DOK6: variants seen among roughly 807,000 people sequenced by gnomAD.
DOK6 encodes docking protein 6.
A neutral mutation model predicts 44.0 loss-of-function variants in DOK6; 22 were observed. That is an observed-to-expected ratio of 0.50 (90% CI 0.36 to 0.71). The LOEUF (loss-of-function observed/expected upper bound fraction) is 0.71, where lower values mean the gene tolerates loss of function less well. Ranked by LOEUF, DOK6 falls within the 30% of genes least tolerant of loss-of-function variation. DOK6 has a pLI of 0.00. For synonymous variants in DOK6, 166 were observed against 145.5 expected (o/e 1.14, Z -1.01); for missense variants, 340 against 416.4 (o/e 0.82, Z 1.60).
chr18:69,587,308 G>A (rs986462665), intron 2 of DOK6, among the ~76,000 whole-genome samples: 5 of 152,124 alleles, frequency 3.3e-5, no homozygotes, highest in Admixed American at 6.5e-5. Flanking sequence ...AGCATCCAGT[G>A]GTTCCAGGTC....
chr18:69,720,629 TTTATC>T (rs1986985794), intron 5 of DOK6, among the ~76,000 whole-genome samples: 1 of 152,158 alleles, frequency 6.6e-6, no homozygotes, highest in African/African-American at 2.4e-5. Flanking sequence ...ACTCAATCCT[TTTATC>T]TAATCAAATA....
chr18:69,645,457 T>C (rs1329118477), intron 3 of DOK6, among the ~76,000 whole-genome samples: 1 of 152,204 alleles, frequency 6.6e-6, no homozygotes, highest in East Asian at 1.9e-4. Context: ...ATAAATAAGA[T>C]GACAAAGTTG....
intron 5 of DOK6, among the ~76,000 whole-genome samples, chr18:69,734,602 T>C (rs1978540271): frequency 6.6e-6 from 1 of 152,104 alleles, no homozygotes; most frequent in Admixed American, 6.5e-5. Flanking sequence ...GCTCCTACTC[T>C]ACCCCATTAC....
chr18:69,527,203 T>C (rs913615628), intron 1 of DOK6, among the ~76,000 whole-genome samples: 4 of 152,302 alleles, frequency 2.6e-5, no homozygotes, highest in African/African-American at 9.6e-5. Context: ...CACCCAACCC[T>C]CCACCCACTT....
chr18:69,818,481 G>A (rs532944223), intron 7 of DOK6, among the ~76,000 whole-genome samples: 3 of 152,268 alleles, frequency 2.0e-5, no homozygotes, highest in Admixed American at 1.3e-4. Flanking sequence ...GCAGGTGTAA[G>A]CTGGATATGG....
chr18:69,669,379 T>A (rs1273850702), intron 3 of DOK6, among the ~76,000 whole-genome samples: 1 of 152,186 alleles, frequency 6.6e-6, no homozygotes, highest in East Asian at 1.9e-4. Flanking sequence ...CTGCATTAAT[T>A]CTAGTAGGAT....
intron 2 of DOK6, among the ~76,000 whole-genome samples, chr18:69,582,506 A>C (rs565497975): frequency 1.1e-4 from 17 of 152,264 alleles, no homozygotes; most frequent in African/African-American, 3.4e-4. Flanking sequence ...ATGACTGTAC[A>C]AATACTCTTT....
intron 1 of DOK6, among the ~76,000 whole-genome samples, chr18:69,550,739 G>GT (rs1334901288): frequency 2.7e-5 from 4 of 145,560 alleles, no homozygotes; most frequent in African/African-American, 1.0e-4. Flanking sequence ...AGTTTCTTAA[G>GT]TTTTTTTATT....
intron 7 of DOK6, among the ~76,000 whole-genome samples, chr18:69,805,109 CACTT>C (rs1429215554): frequency 2.0e-5 from 3 of 152,148 alleles, no homozygotes; most frequent in Non-Finnish European, 4.4e-5. Context: ...GAAACCCACT[CACTT>C]AGTGATTAGT....
intron 5 of DOK6, among the ~76,000 whole-genome samples, chr18:69,700,598 A>G (rs922692370): frequency 6.6e-6 from 1 of 152,108 alleles, no homozygotes; most frequent in African/African-American, 2.4e-5. Context: ...TCCTTTGGAC[A>G]CAGTTCATTT....
chr18:69,607,350 A>G (rs1474024820), intron 3 of DOK6, among the ~76,000 whole-genome samples: 2 of 151,796 alleles, frequency 1.3e-5, no homozygotes, highest in Admixed American at 6.6e-5. Context: ...TTGTTTTAAC[A>G]TATTTTTAAC....
intron 5 of DOK6, among the ~76,000 whole-genome samples, chr18:69,717,770 CTTAGAG>C (rs1450261107): frequency 1.3e-5 from 2 of 152,246 alleles, no homozygotes; most frequent in South Asian, 2.1e-4. Context: ...GAGATAGTAT[CTTAGAG>C]TTAAAGAGTC....
Position 69,846,822 on chromosome 18 carries a change from C to T in DOK6, c.*5439C>T, listed in dbSNP as rs1982354723. ...GATAACATCAGGGCTACATTTTTTT[C>T]ATGTGAGCCTCAAGAAGCTTCCATT... On this transcript the variant is annotated 3_prime_UTR_variant, in exon 8 of 8. Transcript: ENST00000382713. 6.6e-6 allele frequency: 1 copy of T among 152,054 alleles called. No individual in the cohort carries two copies. The highest frequency in any genetic ancestry group is 1.9e-4 in the East Asian group (1 of 5,184). The allele number at this position is 152,054 out of a possible 1,614,324, so 9.4% of individuals were successfully genotyped here.
intron 3 of DOK6, among the ~76,000 whole-genome samples, chr18:69,601,813 T>C (rs532479550): frequency 6.6e-6 from 1 of 152,064 alleles, no homozygotes; most frequent in South Asian, 2.1e-4. Flanking sequence ...GGGCATGAAA[T>C]ACACAAGACG....
intron 3 of DOK6, among the ~76,000 whole-genome samples, chr18:69,620,620 C>A (rs1984418186): frequency 6.6e-6 from 1 of 152,146 alleles, no homozygotes; most frequent in East Asian, 1.9e-4. Flanking sequence ...AATCCCACCT[C>A]ATGGGTTTGA....
chr18:69,761,451 G>A (rs1362383095), intron 7 of DOK6, among the ~76,000 whole-genome samples: 3 of 152,268 alleles, frequency 2.0e-5, no homozygotes, highest in South Asian at 2.1e-4. Flanking sequence ...GCTCATACAT[G>A]ACTAGCTACC....
At chr18:69,673,055 A>T (rs1398381946) in intron 3 of DOK6, among the ~76,000 whole-genome samples, 6 of 152,196 alleles carry the variant, frequency 3.9e-5, no homozygotes, top group African/African-American at 1.4e-4. Context: ...TATTTTGTCT[A>T]CATTTTCCAA....
intron 3 of DOK6, among the ~76,000 whole-genome samples, chr18:69,654,481 G>A (rs1985312214): frequency 2.0e-5 from 3 of 152,112 alleles, no homozygotes; most frequent in African/African-American, 7.2e-5. Context: ...TGAATTTTTT[G>A]CATAAAATCT....
intron 1 of DOK6, among the ~76,000 whole-genome samples, chr18:69,547,095 T>A (rs938314341): frequency 6.6e-6 from 1 of 151,258 alleles, no homozygotes; most frequent in Admixed American, 6.6e-5. Flanking sequence ...CCCTTTTTTG[T>A]TGTTTGTTTG....
Sources: allele counts gnomAD v4.1 joint callset (sites outside exome capture counted in the v4.1 genomes callset), GRCh38; gene constraint gnomAD v4.1.1; transcripts MANE v1.5; gene names NCBI Gene and HGNC (gene_info 2026-07-23, HGNC 2026-07-21).